Variants in SCAPER observed in about 807,000 individuals in gnomAD.
SCAPER encodes S phase cyclin A-associated protein in the endoplasmic reticulum.
A neutral mutation model predicts 182.2 loss-of-function variants in SCAPER; 98 were observed. The ratio of observed to expected loss-of-function variants is 0.54; its 90% CI spans 0.46 to 0.64. The LOEUF (loss-of-function observed/expected upper bound fraction) is 0.64. Ranked by LOEUF, SCAPER falls within the 30% of genes least tolerant of loss-of-function variation. The pLI is 0.00. For synonymous variants in SCAPER, 605 were observed against 564.6 expected (o/e 1.07, Z -1.01); for missense variants, 1,432 against 1,690.0 (o/e 0.85, Z 2.68).
At chr15:76,734,577 C>A (rs981960265) in intron 15 of SCAPER, among the ~76,000 whole-genome samples, 2 of 152,132 alleles carry the variant, frequency 1.3e-5, no homozygotes, top group Non-Finnish European at 2.9e-5. Context: ...CTGTACTGAA[C>A]GTACTCAAAA....
At chr15:76,750,614 C>T (rs1033335746) in intron 15 of SCAPER, among the ~76,000 whole-genome samples, 1 of 151,790 alleles carries the variant, frequency 6.6e-6, no homozygotes, top group African/African-American at 2.4e-5. Flanking sequence ...CATATGAAAA[C>T]TGGCCAATGT....
In SCAPER at chr15:76,593,108, C is replaced by T. The variant is rs1220305260; in HGVS notation, c.2712-18824G>A. 6.6e-5 allele frequency among the ~76,000 whole-genome samples: 8 copies of T among 121,596 alleles called. 2 individuals are homozygous for T. Among genetic ancestry groups the T allele is most frequent in the East Asian group, 4.5e-4 (2 of 4,454 alleles). The allele number at this position is 121,596 out of a possible 152,430, so 79.8% of individuals were successfully genotyped here. On this transcript the variant is annotated intron_variant, in intron 22 of 31. Transcript: ENST00000563290. ...TGCTGCCAGCACAGCAGTCTGAAGT[C>T]GACCTGGGAAGCTTGAGCTTGGTGT...
At chr15:76,854,232 G>T (rs977944234) in intron 4 of SCAPER, among the ~76,000 whole-genome samples, 1 of 151,926 alleles carries the variant, frequency 6.6e-6, no homozygotes, top group Non-Finnish European at 1.5e-5. Flanking sequence ...TCATGCCACT[G>T]CACTCCATCC....
chr15:76,674,488 G>A (rs1474064635), intron 20 of SCAPER, among the ~76,000 whole-genome samples: 2 of 152,118 alleles, frequency 1.3e-5, no homozygotes, highest in Admixed American at 6.6e-5. Flanking sequence ...GTAGCTTGAG[G>A]TGACCATGTG....
At chr15:76,887,278 C>A (rs925305245) in intron 1 of SCAPER, among the ~76,000 whole-genome samples, 1 of 152,176 alleles carries the variant, frequency 6.6e-6, no homozygotes, top group Non-Finnish European at 1.5e-5. Flanking sequence ...AACTGATGTA[C>A]CTGCTTAATC....
In SCAPER at chr15:76,775,148, A is replaced by G. The variant is rs760816283; in HGVS notation, c.773-31T>C. The G allele has an allele frequency of 2.6e-6, 4 of 1,537,676 alleles. No individual in the cohort carries two copies. The South Asian group carries it at 5.0e-5, about 19-fold the overall frequency. On this transcript the variant is annotated intron_variant, in intron 8 of 31. Transcript: ENST00000563290. Reference sequence around the variant, plus strand: ...CAATTAAAGTAAAAAACAAATCAAGATTTATTTAGATGATAAAAATATTTG... The same window carrying G: ...CAATTAAAGTAAAAAACAAATCAAGGTTTATTTAGATGATAAAAATATTTG...
At chr15:76,688,525 A>G (rs1436631008) in intron 20 of SCAPER, among the ~76,000 whole-genome samples, 3 of 152,086 alleles carry the variant, frequency 2.0e-5, no homozygotes, top group Non-Finnish European at 2.9e-5. Flanking sequence ...CTATGTCCTA[A>G]ATGGTATTGC....
In SCAPER at chr15:76,373,426, G is replaced by T. The variant is rs142086097; in HGVS notation, c.3855+2736C>A. 5.0e-3 allele frequency among the ~76,000 whole-genome samples: 742 copies of T among 149,606 alleles called. 6 individuals are homozygous for T. Among genetic ancestry groups the T allele is most frequent in the Non-Finnish European group, 8.1e-3 (546 of 67,106 alleles). The stretch of plus-strand genomic sequence containing the variant: ...TAAAAAGCAATTTAATAGGTTGAAT[G>T]GATGCACATGAAGAAAAAAAAAATC... On this transcript the variant is annotated intron_variant, in intron 29 of 31. Transcript: ENST00000563290.
rs182398366 is a variant in SCAPER at position 76,635,534 on chromosome 15, C to T, written c.2646-13705G>A. Among the ~76,000 whole-genome samples the T allele has an allele frequency of 5.3e-5, 8 of 151,636 alleles. No homozygotes were observed. In the East Asian group the frequency reaches 1.4e-3, roughly 26 times the overall value. On this transcript the variant is annotated intron_variant, in intron 21 of 31. Transcript: ENST00000563290. The stretch of plus-strand genomic sequence containing the variant: ...TAGAAATAGTTTCATATCTTCCTTG[C>T]CAATTTGGATACTTCTTACTAGTTT...
At chr15:76,503,906 G>A (rs938615500) in intron 24 of SCAPER, among the ~76,000 whole-genome samples, 11 of 149,844 alleles carry the variant, frequency 7.3e-5, no homozygotes, top group African/African-American at 2.7e-4. Context: ...TTCTTTTTGA[G>A]ACAGGGTCTT....
intron 29 of SCAPER, among the ~76,000 whole-genome samples, chr15:76,356,729 G>A (rs1481045249): frequency 2.0e-5 from 3 of 152,108 alleles, no homozygotes; most frequent in Non-Finnish European, 4.4e-5. Flanking sequence ...AGTGCACAAG[G>A]CCAACACAAA....
At chr15:76,831,020 C>T (rs1252574636) in intron 5 of SCAPER, among the ~76,000 whole-genome samples, 3 of 152,116 alleles carry the variant, frequency 2.0e-5, no homozygotes, top group African/African-American at 7.2e-5. Flanking sequence ...CCTGCAGGAG[C>T]CCCTCATGAC....
chr15:76,567,533 C>T (rs1400215345), intron 23 of SCAPER: 2 of 205,696 alleles, frequency 9.7e-6, no homozygotes, highest in Non-Finnish European at 1.0e-5. Context: ...TAGTTCTTTG[C>T]CAATACTTGG....
chr15:76,826,788 G>A (rs546836039), intron 5 of SCAPER, among the ~76,000 whole-genome samples: 1 of 152,300 alleles, frequency 6.6e-6, no homozygotes, highest in African/African-American at 2.4e-5. Flanking sequence ...TTCATTAAAT[G>A]TGGTTGAATA....
chr15:76,474,131 T>A (rs898629103), intron 24 of SCAPER, among the ~76,000 whole-genome samples: 4 of 152,282 alleles, frequency 2.6e-5, no homozygotes, highest in Admixed American at 2.0e-4. Flanking sequence ...TTTAAAAATA[T>A]ATGCTTGCCT....
At chr15:76,633,739 T>C (rs1214689660) in intron 21 of SCAPER, among the ~76,000 whole-genome samples, 1 of 152,126 alleles carries the variant, frequency 6.6e-6, no homozygotes, top group Non-Finnish European at 1.5e-5. Flanking sequence ...CTGTGGGGAA[T>C]TGCTCCCTGT....
chr15:76,618,478 C>A (rs910381153), intron 22 of SCAPER, among the ~76,000 whole-genome samples: 2 of 152,134 alleles, frequency 1.3e-5, no homozygotes, highest in African/African-American at 4.8e-5. Flanking sequence ...ACAGGAATTA[C>A]ATTACATTTG....
intron 22 of SCAPER, among the ~76,000 whole-genome samples, chr15:76,583,985 A>G (rs1244595808): frequency 1.3e-5 from 2 of 152,206 alleles, no homozygotes; most frequent in Non-Finnish European, 2.9e-5. Flanking sequence ...TTATTGCAGC[A>G]CTATTCATAA....
At chr15:76,785,768 A>G (rs967572895) in intron 8 of SCAPER, among the ~76,000 whole-genome samples, 8 of 152,304 alleles carry the variant, frequency 5.3e-5, no homozygotes, top group Admixed American at 3.3e-4. Context: ...TCAGCAAACT[A>G]TCACAAGGAC....
Sources: allele counts gnomAD v4.1 joint callset (sites outside exome capture counted in the v4.1 genomes callset), GRCh38; gene constraint gnomAD v4.1.1; transcripts MANE v1.5; gene names NCBI Gene and HGNC (gene_info 2026-07-23, HGNC 2026-07-21).